Variants in GALNT18 observed in about 807,000 individuals in gnomAD.
The protein encoded by GALNT18 is GalNAc-transferase 18.
In GALNT18, 44 loss-of-function variants were observed where a neutral mutation model predicts 69.5. The ratio of observed to expected loss-of-function variants is 0.63; its 90% CI spans 0.50 to 0.81. The LOEUF (loss-of-function observed/expected upper bound fraction) is 0.81, where lower values mean the gene tolerates loss of function less well. Among genes scored for constraint, GALNT18 ranks in the 40% least tolerant of loss-of-function variants. GALNT18 has a pLI of 0.00. For synonymous variants in GALNT18, 364 were observed against 318.2 expected, an observed-to-expected ratio of 1.14 and a Z score of -1.53; for missense variants, 715 against 810.0, an observed-to-expected ratio of 0.88 and a Z score of 1.42.
chr11:11,443,394 C>T (rs1296263604), intron 2 of GALNT18, among the ~76,000 whole-genome samples: 1 of 152,164 alleles, frequency 6.6e-6, no homozygotes, highest in Non-Finnish European at 1.5e-5. Flanking sequence ...CACTTACACA[C>T]AGTAAAATGC....
At position 11,496,476 on chromosome 11, in the gene GALNT18, C is replaced by T. The variant is rs185989893; in HGVS notation, c.236-47540G>A. Among the ~76,000 whole-genome samples the T allele has an allele frequency of 1.3e-5, 2 of 152,308 alleles. No individual in the cohort carries two copies. Among genetic ancestry groups the T allele is most frequent in the Admixed American group, 1.3e-4 (2 of 15,298 alleles). ...ATTGCTATCAACTCCAATAATGGGG[C>T]ATGCTGGAAAAATAAAACAGAAGAT... On this transcript the variant is annotated intron_variant, in intron 1 of 10. Coordinates refer to ENST00000227756, the MANE Select transcript of GALNT18 (RefSeq NM_198516.3). The surrounding 1 kb of genome is among the most constrained non-coding windows in gnomAD (Gnocchi z 4.0).
chr11:11,332,921 C>A lies in GALNT18; in HGVS notation c.1279-90G>T. 1.4e-6 allele frequency: 2 copies of A among 1,449,838 alleles called. No homozygotes were observed. Among genetic ancestry groups the A allele is most frequent in the Non-Finnish European group, 1.9e-6 (2 of 1,050,432 alleles). The allele number at this position is 1,449,838 out of a possible 1,614,324, so 89.8% of individuals were successfully genotyped here. A position where few individuals can be genotyped will look rare whatever the true frequency, so the allele number is the denominator to read the frequency against. On this transcript the variant is annotated intron_variant, in intron 7 of 10. Transcript: ENST00000227756. This position sits in a 1 kb window ranked among gnomAD's most constrained non-coding sequence, Gnocchi z 4.3. ...CTTTGGCATGACCTTGTGCCCCCAA[C>A]AAGATTCCTAGAGACTGGGGAAGGG...
rs143876927 is a variant in GALNT18 at position 11,427,912 on chromosome 11, G to A, written c.595+4709C>T. Among the ~76,000 whole-genome samples the A allele has an allele frequency of 3.7e-3, 566 of 152,284 alleles. 4 individuals carry two copies. The highest frequency in any genetic ancestry group is 6.8e-3 in the Middle Eastern group (2 of 294). On this transcript the variant is annotated intron_variant, in intron 3 of 10. Transcript: ENST00000227756. Reference sequence around the variant, plus strand: ...CAAGGCAGGGCCTGATGTCCCCATCGTGGCACATGAGAAAACCTAAGCCCA... The same window carrying A: ...CAAGGCAGGGCCTGATGTCCCCATCATGGCACATGAGAAAACCTAAGCCCA...
intron 6 of GALNT18, among the ~76,000 whole-genome samples, chr11:11,348,534 T>C (rs1273264576): frequency 6.6e-6 from 1 of 151,928 alleles, no homozygotes; most frequent in Non-Finnish European, 1.5e-5. Flanking sequence ...CTCCAAAATA[T>C]CTCACTCCCA....
At chr11:11,282,502 T>C (rs1590003793) in intron 10 of GALNT18, among the ~76,000 whole-genome samples, 1 of 152,156 alleles carries the variant, frequency 6.6e-6, no homozygotes. Context: ...TTGTCCAGGG[T>C]CACATGGTCA....
intron 1 of GALNT18, among the ~76,000 whole-genome samples, chr11:11,478,525 G>A (rs1011499815): frequency 6.6e-6 from 1 of 152,186 alleles, no homozygotes; most frequent in Non-Finnish European, 1.5e-5. Context: ...AGGCAGGCCT[G>A]AGCAAACAGC....
rs576261659 is a variant in GALNT18 at position 11,586,901 on chromosome 11, T to C, written c.235+34458A>G. On this transcript the variant is annotated intron_variant, in intron 1 of 10. Coordinates refer to ENST00000227756, the MANE Select transcript of GALNT18 (RefSeq NM_198516.3). This position sits in a 1 kb window ranked among gnomAD's most constrained non-coding sequence, Gnocchi z 4.1. ...TACTCAGGAGGCTGAGGCAGGAGAA[T>C]CACTTGAACCCAGGAGGCGGAGGGT... is the stretch of plus-strand genomic sequence containing the variant. Among the ~76,000 whole-genome samples, 38 of 151,830 alleles carry C rather than the reference T, an allele frequency of 2.5e-4. No homozygotes were observed. Among genetic ancestry groups the C allele is most frequent in the Non-Finnish European group, 4.9e-4 (33 of 68,004 alleles).
intron 1 of GALNT18, among the ~76,000 whole-genome samples, chr11:11,533,255 G>A (rs184614512): frequency 2.8e-4 from 43 of 152,232 alleles, no homozygotes; most frequent in Non-Finnish European, 5.3e-4. Flanking sequence ...TCCTCAGGGC[G>A]CCCTATTAGT....
chr11:11,398,151 T>A lies in GALNT18; in HGVS notation c.596-18887A>T, dbSNP rs144658444. Among the ~76,000 whole-genome samples, 154 of 152,392 alleles carry A rather than the reference T, an allele frequency of 1.0e-3. 3 individuals are homozygous for A. The Middle Eastern group carries it at 0.024, about 24-fold the overall frequency. ...GAGAAAACTGGGATGTTAAGCAATGTGTTCAAGATTGCACACTTAATAAGT... is the reference window on the plus strand; with the variant it reads ...GAGAAAACTGGGATGTTAAGCAATGAGTTCAAGATTGCACACTTAATAAGT... On this transcript the variant is annotated intron_variant, in intron 3 of 10. Transcript: ENST00000227756.
At chr11:11,273,999 G>T (rs890548660) in intron 10 of GALNT18, among the ~76,000 whole-genome samples, 3 of 152,102 alleles carry the variant, frequency 2.0e-5, no homozygotes, top group Non-Finnish European at 2.9e-5. Flanking sequence ...CATCTCATTC[G>T]GACTGGTTGG....
At chr11:11,300,958 G>A (rs943188560) in intron 9 of GALNT18, among the ~76,000 whole-genome samples, 4 of 152,178 alleles carry the variant, frequency 2.6e-5, no homozygotes, top group Admixed American at 2.0e-4. Context: ...ACACCCTTCT[G>A]GATTCTAGCT....
At position 11,362,660 on chromosome 11, in the gene GALNT18, TA is replaced by T. The variant is rs370466250; in HGVS notation, c.1092+9854del. Among the ~76,000 whole-genome samples, 202 of 151,968 alleles carry T rather than the reference TA, an allele frequency of 1.3e-3. 2 individuals are homozygous for T. The East Asian group carries it at 0.032, about 24-fold the overall frequency. Reference sequence around the variant, plus strand: ...GGCCTTTCTCATCGGTCAGATTGGTTAAAAAAAATATTCCACAACATACTTT... The same window carrying T: ...GGCCTTTCTCATCGGTCAGATTGGTTAAAAAAATATTCCACAACATACTTT... On this transcript the variant is annotated intron_variant, in intron 6 of 10. Transcript: ENST00000227756.
At chr11:11,468,472 C>T (rs941035784) in intron 1 of GALNT18, among the ~76,000 whole-genome samples, 2 of 152,192 alleles carry the variant, frequency 1.3e-5, no homozygotes, top group Non-Finnish European at 2.9e-5. Context: ...TGAGTCTTTT[C>T]TCCATACCAC....
chr11:11,277,346 A>G (rs1322298771), intron 10 of GALNT18, among the ~76,000 whole-genome samples: 1 of 152,164 alleles, frequency 6.6e-6, no homozygotes, highest in African/African-American at 2.4e-5. Flanking sequence ...CTGTGGGATC[A>G]GTGGTAATAT....
chr11:11,396,576 C>T lies in GALNT18; in HGVS notation c.596-17312G>A, dbSNP rs12417548. Among the ~76,000 whole-genome samples, 11,763 of 152,108 alleles carry T rather than the reference C, an allele frequency of 0.077. 614 individuals carry two copies. Among genetic ancestry groups the T allele is most frequent in the Non-Finnish European group, 0.12 (8,051 of 67,982 alleles). ...ACAAACAAAGAAAATGGAAGCCAAGCGTGGGGATGATCTCATGGCAATTGC... is the reference window on the plus strand; with the variant it reads ...ACAAACAAAGAAAATGGAAGCCAAGTGTGGGGATGATCTCATGGCAATTGC... On this transcript the variant is annotated intron_variant, in intron 3 of 10. Coordinates refer to ENST00000227756, the MANE Select transcript of GALNT18 (RefSeq NM_198516.3). The surrounding 1 kb of genome is among the most constrained non-coding windows in gnomAD (Gnocchi z 5.2).
chr11:11,385,537 T>C lies in GALNT18; in HGVS notation c.596-6273A>G, dbSNP rs549451539. Among the ~76,000 whole-genome samples, 393 of 152,198 alleles carry C rather than the reference T, an allele frequency of 2.6e-3. 1 individual carries two copies. The highest frequency in any genetic ancestry group is 4.3e-3 in the Non-Finnish European group (292 of 67,998). On this transcript the variant is annotated intron_variant, in intron 3 of 10. Coordinates refer to ENST00000227756, the MANE Select transcript of GALNT18 (RefSeq NM_198516.3). ...GTCTCGATCTCCTGACCTTGTGATC[T>C]GCCCGCCTCGGCCTCCCAAAGTGCT...
At chr11:11,371,046 C>T (rs1850890457) in intron 6 of GALNT18, among the ~76,000 whole-genome samples, 1 of 152,200 alleles carries the variant, frequency 6.6e-6, no homozygotes, top group African/African-American at 2.4e-5. Flanking sequence ...TACATTAGCT[C>T]CCCAATAAGC....
chr11:11,294,622 A>G (rs28597958), intron 9 of GALNT18, among the ~76,000 whole-genome samples: 1 of 150,710 alleles, frequency 6.6e-6, no homozygotes, highest in Non-Finnish European at 1.5e-5. Context: ...AAAAAAAAAA[A>G]AAACATAAAC....
chr11:11,273,631 T>TG (rs1275166724), intron 10 of GALNT18, among the ~76,000 whole-genome samples: 1 of 152,206 alleles, frequency 6.6e-6, no homozygotes, highest in Non-Finnish European at 1.5e-5. Context: ...GAGAACAGTA[T>TG]GGAGGTTCCT....
Sources: allele counts gnomAD v4.1 joint callset (sites outside exome capture counted in the v4.1 genomes callset), GRCh38; gene constraint gnomAD v4.1.1; non-coding constraint Gnocchi (gnomAD v3.1); transcripts MANE v1.5; gene names NCBI Gene and HGNC (gene_info 2026-07-23, HGNC 2026-07-21).